Variants in CCDC171 observed in about 807,000 individuals in gnomAD.
CCDC171 encodes coiled-coil domain containing 171, also known as coiled-coil domain-containing protein 171.
CCDC171 carries 177 observed loss-of-function variants against 168.2 expected under a neutral mutation model. That is an observed-to-expected ratio of 1.05 (90% CI 0.93 to 1.19). The LOEUF (loss-of-function observed/expected upper bound fraction) is 1.19, where lower values mean the gene tolerates loss of function less well. Ranked by LOEUF, CCDC171 falls within the 50% of genes most tolerant of loss-of-function variation. The pLI is 0.00. For synonymous variants in CCDC171, 687 were observed against 540.8 expected, an observed-to-expected ratio of 1.27 and a Z score of -3.75; for missense variants, 1,991 against 1,539.0, an observed-to-expected ratio of 1.29 and a Z score of -4.91.
At chr9:15,740,857 T>G (rs976484284) in intron 16 of CCDC171, among the ~76,000 whole-genome samples, 3 of 152,196 alleles carry the variant, frequency 2.0e-5, no homozygotes, top group African/African-American at 7.2e-5. Flanking sequence ...TGGTTTGTTT[T>G]TTGGTGGAAT....
At chr9:15,665,634 A>G (rs1314203964) in intron 8 of CCDC171, among the ~76,000 whole-genome samples, 1 of 152,118 alleles carries the variant, frequency 6.6e-6, no homozygotes, top group East Asian at 1.9e-4. Context: ...TAAAACAATT[A>G]GCTGGGTGTG....
At chr9:15,650,041 G>A (rs181962107) in intron 7 of CCDC171, among the ~76,000 whole-genome samples, 1 of 152,106 alleles carries the variant, frequency 6.6e-6, no homozygotes, top group Admixed American at 6.6e-5. Context: ...AAATGTGGCA[G>A]ATATACACCA....
chr9:15,729,431 G>A (rs1053732919), intron 15 of CCDC171, among the ~76,000 whole-genome samples, 179 bp from the exon 16 acceptor site: 6 of 151,812 alleles, frequency 4.0e-5, no homozygotes, highest in Admixed American at 3.3e-4. Context: ...GCTAACGTGT[G>A]GCAGTTTACA....
intron 6 of CCDC171, among the ~76,000 whole-genome samples, chr9:16,024,839 C>T (rs1833243213): frequency 6.6e-6 from 1 of 152,198 alleles, no homozygotes; most frequent in Non-Finnish European, 1.5e-5. Flanking sequence ...TAGGGCCACT[C>T]AGAGATAGTA....
chr9:16,016,516 C>G (rs1379886458), intron 3 of CCDC171, among the ~76,000 whole-genome samples: 1 of 152,140 alleles, frequency 6.6e-6, no homozygotes, highest in Non-Finnish European at 1.5e-5. Context: ...AGTGAAAACT[C>G]CCCACCTGAG....
chr9:15,630,972 A>C (rs893682550), intron 7 of CCDC171, among the ~76,000 whole-genome samples: 5 of 152,190 alleles, frequency 3.3e-5, no homozygotes, highest in African/African-American at 1.2e-4. Flanking sequence ...TTTGAAACCA[A>C]CGAGAACAAA....
chr9:16,034,895 A>C (rs1399600476), intron 6 of CCDC171, among the ~76,000 whole-genome samples: 1 of 152,136 alleles, frequency 6.6e-6, no homozygotes, highest in African/African-American at 2.4e-5. Flanking sequence ...AGTGGGGTCT[A>C]TCCTCCCCTA....
intron 21 of CCDC171, among the ~76,000 whole-genome samples, chr9:15,819,301 C>A (rs1339340411): frequency 1.7e-5 from 2 of 117,398 alleles, no homozygotes; most frequent in Non-Finnish European, 1.9e-5. Context: ...AGCAAAATAA[C>A]CAGCTAACAT....
intron 10 of CCDC171, among the ~76,000 whole-genome samples, chr9:15,686,751 C>A (rs536296409): frequency 1.3e-5 from 2 of 152,080 alleles, no homozygotes; most frequent in South Asian, 4.2e-4. Flanking sequence ...AACAGACCTC[C>A]AAACTATTTG....
the CCDC171 span, among the ~76,000 whole-genome samples, chr9:16,069,711 G>A: frequency 6.6e-6 from 1 of 152,202 alleles, no homozygotes; most frequent in South Asian, 2.1e-4. Context: ...GAAACCTCTG[G>A]AACACTATTC....
chr9:16,004,325 A>C (rs534126934), intron 3 of CCDC171, among the ~76,000 whole-genome samples: 1 of 152,254 alleles, frequency 6.6e-6, no homozygotes, highest in South Asian at 2.1e-4. Flanking sequence ...CCAGAAGTGA[A>C]AAATAACTGA....
intron 1 of CCDC171, among the ~76,000 whole-genome samples, chr9:15,559,435 A>T (rs1443265594): frequency 6.6e-6 from 1 of 152,140 alleles, no homozygotes; most frequent in Non-Finnish European, 1.5e-5. Context: ...GTGCATATAT[A>T]TTTAGGATAG....
the CCDC171 span, among the ~76,000 whole-genome samples, chr9:16,095,871 T>TATAG: frequency 4.0e-5 from 2 of 50,468 alleles, no homozygotes; most frequent in Admixed American, 2.8e-4. Flanking sequence ...CATAGGCACA[T>TATAG]ATATATATAT....
chr9:15,989,905 C>T (rs1033770234), intron 3 of CCDC171, among the ~76,000 whole-genome samples: 7 of 152,112 alleles, frequency 4.6e-5, no homozygotes, highest in Non-Finnish European at 7.4e-5. Flanking sequence ...ATGAGCAAAG[C>T]CTCCAAGAAA....
chr9:15,654,242 A>T (rs1389125577), intron 7 of CCDC171, among the ~76,000 whole-genome samples: 1 of 151,978 alleles, frequency 6.6e-6, no homozygotes, highest in Non-Finnish European at 1.5e-5. Context: ...ATAATAGCTC[A>T]TTAAGAAATA....
chr9:15,990,462 T>C (rs1210386632), intron 3 of CCDC171, among the ~76,000 whole-genome samples: 1 of 152,188 alleles, frequency 6.6e-6, no homozygotes, highest in East Asian at 1.9e-4. Flanking sequence ...TACCAGCCAC[T>C]GCAAAAACAT....
At chr9:16,069,485 C>T in the CCDC171 span, among the ~76,000 whole-genome samples, 2 of 152,200 alleles carry the variant, frequency 1.3e-5, no homozygotes, top group East Asian at 3.9e-4. Context: ...GCGAGCCTCT[C>T]GGGGTGAGAA....
rs549977824 is a variant in CCDC171 at position 15,653,619 on chromosome 9, G to C, written c.823-3508G>C. Among the ~76,000 whole-genome samples, 7 of 152,200 alleles carry C rather than the reference G, an allele frequency of 4.6e-5. No homozygotes were observed. The East Asian group carries it at 7.7e-4, about 17-fold the overall frequency. ...TATGATTTAGCTTCAACAGTTATCAGCTTATGACCAATCTTATTTTATGAA... is the reference window on the plus strand; with the variant it reads ...TATGATTTAGCTTCAACAGTTATCACCTTATGACCAATCTTATTTTATGAA... On this transcript the variant is annotated intron_variant, in intron 7 of 25. Transcript: ENST00000380701.
intron 21 of CCDC171, among the ~76,000 whole-genome samples, chr9:15,837,024 CTT>C (rs2060482422): frequency 6.6e-6 from 1 of 152,216 alleles, no homozygotes; most frequent in African/African-American, 2.4e-5. Flanking sequence ...CTGCAACCCT[CTT>C]CACTAGTTTG....
Sources: allele counts gnomAD v4.1 joint callset (sites outside exome capture counted in the v4.1 genomes callset), GRCh38; gene constraint gnomAD v4.1.1; transcripts MANE v1.5; gene names NCBI Gene and HGNC (gene_info 2026-07-23, HGNC 2026-07-21).